The following ALKBH5 variants were observed in gnomAD, a reference collection of about 807,000 sequenced individuals.
ALKBH5 encodes alkB homolog 5, RNA demethylase.
ALKBH5 carries 2 observed loss-of-function variants against 32.1 expected under a neutral mutation model. The ratio of observed to expected loss-of-function variants is 0.06; its 90% CI spans 0.03 to 0.20. The LOEUF is 0.20. Among genes scored for constraint, ALKBH5 ranks in the 10% least tolerant of loss-of-function variants. ALKBH5 has a pLI of 1.00. For synonymous variants in ALKBH5, 300 were observed against 231.7 expected (o/e 1.29, Z -2.68); for missense variants, 352 against 559.5 (o/e 0.63, Z 3.74).
At position 18,183,977 on chromosome 17, in the gene ALKBH5, G is replaced by A. The variant is rs375227400; in HGVS notation, c.-267G>A. The A allele has an allele frequency of 9.4e-6, 6 of 636,184 alleles. No individual in the cohort carries two copies. Among genetic ancestry groups the A allele is most frequent in the East Asian group, 6.5e-5 (2 of 30,582 alleles). 39.4% of individuals were successfully genotyped at this position (636,184 alleles called of 1,614,324 possible). A position where few individuals can be genotyped will look rare whatever the true frequency, so the allele number is the denominator to read the frequency against. ...TCCGCAGCAGCCCTCCGCGGCATGA[G>A]GCGCTGCCGGCGCCCCTGCCCCGCG... On this transcript the variant is annotated 5_prime_UTR_variant, in exon 1 of 4. Transcript: ENST00000399138.
chr17:18,193,077 C>G (rs56021431), intron 1 of ALKBH5, among the ~76,000 whole-genome samples: 56,870 of 151,280 alleles, frequency 0.38, 11,097 homozygotes, highest in Non-Finnish European at 0.41. Flanking sequence ...AGACTGGTTA[C>G]GAACTCCTAA....
At chr17:18,197,024 G>C (rs2047208208) in intron 2 of ALKBH5, among the ~76,000 whole-genome samples, 1 of 152,132 alleles carries the variant, frequency 6.6e-6, no homozygotes, top group African/African-American at 2.4e-5. Flanking sequence ...TGGCATCCTG[G>C]TCCTTTGGGC....
intron 1 of ALKBH5, among the ~76,000 whole-genome samples, chr17:18,188,440 T>TG (rs1399991774): frequency 6.6e-6 from 1 of 152,164 alleles, no homozygotes; most frequent in African/African-American, 2.4e-5. Context: ...TTGGGTGGAG[T>TG]GGGCACCCCT....
intron 1 of ALKBH5, among the ~76,000 whole-genome samples, chr17:18,185,440 A>G (rs920357083): frequency 2.0e-5 from 3 of 149,566 alleles, no homozygotes; most frequent in Admixed American, 6.7e-5. Flanking sequence ...TTGTTCTGCC[A>G]TTTTTGGATT....
At chr17:18,207,780 T>C (rs1348814271) in intron 3 of ALKBH5, among the ~76,000 whole-genome samples, 1 of 152,096 alleles carries the variant, frequency 6.6e-6, no homozygotes, top group Non-Finnish European at 1.5e-5. Context: ...AAATACTGTA[T>C]GAGCTAAACC....
Position 18,184,078 on chromosome 17 carries a change from C to T in ALKBH5, c.-166C>T, listed in dbSNP as rs1597834402. Reference sequence around the variant, plus strand: ...ATGACCCGCCGCTCCTGAGGCCCTACCCCACGCCCGGACCCTCGACGCCCC... The same window carrying T: ...ATGACCCGCCGCTCCTGAGGCCCTATCCCACGCCCGGACCCTCGACGCCCC... On this transcript the variant is annotated 5_prime_UTR_variant, in exon 1 of 4. Transcript: ENST00000399138. 1.4e-6 allele frequency: 1 copy of T among 695,600 alleles called. No individual in the cohort carries two copies. The highest frequency in any genetic ancestry group is 2.5e-6 in the Non-Finnish European group (1 of 393,314). 43.1% of individuals were successfully genotyped at this position (695,600 alleles called of 1,614,324 possible). A position where few individuals can be genotyped will look rare whatever the true frequency, so the allele number is the denominator to read the frequency against.
intron 1 of ALKBH5, among the ~76,000 whole-genome samples, chr17:18,185,863 T>G (rs2047136189): frequency 6.6e-6 from 1 of 152,228 alleles, no homozygotes; most frequent in South Asian, 2.1e-4. Flanking sequence ...AGCGGCCTCC[T>G]TCCAGTCCTG....
intron 2 of ALKBH5, among the ~76,000 whole-genome samples, chr17:18,197,876 AG>A (rs1309807829): frequency 6.6e-6 from 1 of 152,206 alleles, no homozygotes; most frequent in East Asian, 1.9e-4. Context: ...GGACTGGAGA[AG>A]AGTGGGAGGA....
chr17:18,204,108 G>A (rs951862301), intron 2 of ALKBH5, among the ~76,000 whole-genome samples: 2 of 152,194 alleles, frequency 1.3e-5, no homozygotes, highest in Non-Finnish European at 2.9e-5. Context: ...TATTTAGTCT[G>A]ATTTCTGCCA....
intron 2 of ALKBH5, among the ~76,000 whole-genome samples, chr17:18,199,173 C>T (rs576646984): frequency 1.3e-5 from 2 of 152,326 alleles, no homozygotes; most frequent in South Asian, 2.1e-4. Context: ...GCAGCAGCTA[C>T]AGGCTAGTCG....
intron 1 of ALKBH5, among the ~76,000 whole-genome samples, chr17:18,192,028 A>C (rs2047178672): frequency 6.6e-6 from 1 of 151,934 alleles, no homozygotes; most frequent in Non-Finnish European, 1.5e-5. Context: ...ACAGTCTTGC[A>C]GTCTAGACCC....
chr17:18,201,743 T>TTAGA (rs57485964), intron 2 of ALKBH5, among the ~76,000 whole-genome samples: 10,567 of 129,392 alleles, frequency 0.082, 508 homozygotes, highest in Admixed American at 0.11. Context: ...AGACTCCATC[T>TTAGA]TAGATAGATA....
At chr17:18,190,533 A>C (rs993562032) in intron 1 of ALKBH5, among the ~76,000 whole-genome samples, 3 of 141,624 alleles carry the variant, frequency 2.1e-5, no homozygotes, top group Admixed American at 1.5e-4. Flanking sequence ...TAGGCAACAG[A>C]GTGGGACTCT....
chr17:18,197,103 C>T (rs2047208705), intron 2 of ALKBH5, among the ~76,000 whole-genome samples: 1 of 152,124 alleles, frequency 6.6e-6, no homozygotes, highest in Admixed American at 6.5e-5. Context: ...CAAGTCAAAA[C>T]TTTTAGTCTG....
chr17:18,193,398 T>C (rs1274178179), intron 1 of ALKBH5, among the ~76,000 whole-genome samples: 1 of 151,722 alleles, frequency 6.6e-6, no homozygotes, highest in East Asian at 1.9e-4. Flanking sequence ...ATAACAAAAA[T>C]TAGACAGGCG....
intron 2 of ALKBH5, among the ~76,000 whole-genome samples, chr17:18,203,911 C>T (rs976368291): frequency 5.3e-5 from 8 of 152,142 alleles, no homozygotes; most frequent in Non-Finnish European, 1.0e-4. Context: ...ATCATTCACC[C>T]GAAGAAACAA....
chr17:18,185,053 G>C (rs1481126246), intron 1 of ALKBH5, 40 bp downstream of exon 1: 1 of 1,579,262 alleles, frequency 6.3e-7, no homozygotes, highest in Non-Finnish European at 8.6e-7. Flanking sequence ...TGCGCCTGCT[G>C]CCTTAGCTAC....
At chr17:18,191,534 G>A (rs973013659) in intron 1 of ALKBH5, among the ~76,000 whole-genome samples, 2 of 152,178 alleles carry the variant, frequency 1.3e-5, no homozygotes, top group Non-Finnish European at 2.9e-5. Context: ...CTCCAGAACT[G>A]CATTAAGAAA....
At chr17:18,198,330 G>C (rs907629402) in intron 2 of ALKBH5, among the ~76,000 whole-genome samples, 2 of 152,186 alleles carry the variant, frequency 1.3e-5, no homozygotes, top group Non-Finnish European at 2.9e-5. Context: ...CTAGCATGAG[G>C]TGCAGCCCAG....
Sources: allele counts gnomAD v4.1 joint callset (sites outside exome capture counted in the v4.1 genomes callset), GRCh38; gene constraint gnomAD v4.1.1; transcripts MANE v1.5; gene names NCBI Gene and HGNC (gene_info 2026-07-23, HGNC 2026-07-21).